INPP5A: variants seen among roughly 807,000 people sequenced by gnomAD.
The protein encoded by INPP5A is 43 kDa inositol polyphosphate 5-phophatase.
INPP5A carries 14 observed loss-of-function variants against 65.2 expected under a neutral mutation model. The observed-to-expected ratio is 0.21, with a 90% CI of 0.14 to 0.34. INPP5A has a LOEUF of 0.34. INPP5A is among the 10% of genes least tolerant of loss of function. The pLI is 1.00. For synonymous variants in INPP5A, 207 were observed against 208.3 expected, an observed-to-expected ratio of 0.99 and a Z score of 0.05; for missense variants, 431 against 545.6, an observed-to-expected ratio of 0.79 and a Z score of 2.09.
intron 1 of INPP5A, among the ~76,000 whole-genome samples, chr10:132,558,948 C>T (rs538382250): frequency 4.6e-5 from 7 of 152,326 alleles, no homozygotes; most frequent in African/African-American, 1.4e-4. Flanking sequence ...CCTCTGCTCA[C>T]GGTGCCCACC....
intron 1 of INPP5A, among the ~76,000 whole-genome samples, chr10:132,591,325 A>G (rs2071616322): frequency 6.6e-6 from 1 of 151,954 alleles, no homozygotes; most frequent in South Asian, 2.1e-4. Context: ...TTTCCATATG[A>G]ACTTTAGAAT....
In INPP5A at chr10:132,770,966, C is replaced by T. The variant is rs113154333; in HGVS notation, c.977+5120C>T. The stretch of plus-strand genomic sequence containing the variant: ...GGAGGAATACGTTTTCCAACACCCT[C>T]GGGTCTCCTTGAAAGCTTAAATTTT... On this transcript the variant is annotated intron_variant, in intron 12 of 15. Coordinates refer to ENST00000368594, the MANE Select transcript of INPP5A (RefSeq NM_005539.5). Among the ~76,000 whole-genome samples the T allele has an allele frequency of 9.3e-3, 1,412 of 152,286 alleles. 8 individuals are homozygous for T. The highest frequency in any genetic ancestry group is 0.014 in the Non-Finnish European group (967 of 68,028).
intron 4 of INPP5A, among the ~76,000 whole-genome samples, chr10:132,668,981 A>G (rs1344409942): frequency 1.3e-5 from 2 of 152,176 alleles, no homozygotes; most frequent in African/African-American, 2.4e-5. Flanking sequence ...GAGGCCGGGC[A>G]TGGTGGCTCA....
At chr10:132,775,127 G>GGGGCAGGGAGGAGAGAT (rs1847034830) in intron 12 of INPP5A, among the ~76,000 whole-genome samples, 2 of 48,008 alleles carry the variant, frequency 4.2e-5, no homozygotes, top group African/African-American at 7.0e-5. Context: ...GCAGGGAGGA[G>GGGGCAGGGAGGAGAGAT]GGGCAGGGAG....
rs1211495192 is a variant in INPP5A at position 132,781,854 on chromosome 10, G to C, written c.1159-7G>C. ...CGTGCTGACACCGTCCTCTCTTCCT[G>C]CTGCAGCCCGTGTTCCTGGCCTTCC... On this transcript the variant is annotated splice_region_variant and splice_polypyrimidine_tract_variant and intron_variant, in intron 14 of 15. Transcript: ENST00000368594. The C allele has an allele frequency of 3.7e-6, 6 of 1,613,056 alleles. No homozygotes were observed. The highest frequency in any genetic ancestry group is 5.1e-6 in the Non-Finnish European group (6 of 1,179,480).
At chr10:132,723,647 A>ATGTGGGGATTGGCCG (rs1564984542) in intron 8 of INPP5A, among the ~76,000 whole-genome samples, 13 of 100,736 alleles carry the variant, frequency 1.3e-4, no homozygotes, top group Non-Finnish European at 1.8e-4. Flanking sequence ...GGGATTGGCC[A>ATGTGGGGATTGGCCG]TGTGGGGATT....
intron 9 of INPP5A, among the ~76,000 whole-genome samples, chr10:132,732,013 G>A (rs1371754202): frequency 2.0e-5 from 3 of 152,296 alleles, no homozygotes; most frequent in South Asian, 2.1e-4. Context: ...GGGAGCCCCC[G>A]GCACCCCAGG....
chr10:132,699,366 G>T (rs1480724012), intron 6 of INPP5A, among the ~76,000 whole-genome samples: 13 of 150,592 alleles, frequency 8.6e-5, no homozygotes, highest in Middle Eastern at 3.4e-3. Context: ...CTGGGGTGGG[G>T]GGGGGCTGGG....
chr10:132,643,145 T>A (rs1407952086), intron 2 of INPP5A, among the ~76,000 whole-genome samples: 3 of 151,926 alleles, frequency 2.0e-5, no homozygotes, highest in Admixed American at 6.5e-5. Context: ...TATAGGGGGG[T>A]TTTTTTCTCC....
intron 4 of INPP5A, among the ~76,000 whole-genome samples, chr10:132,679,444 G>T (rs1055943992): frequency 2.0e-5 from 3 of 152,152 alleles, no homozygotes; most frequent in Non-Finnish European, 4.4e-5. Flanking sequence ...CACAAGAGCT[G>T]CCCGCTGGAA....
chr10:132,666,069 A>AG (rs1309877101), intron 4 of INPP5A, among the ~76,000 whole-genome samples: 17 of 151,434 alleles, frequency 1.1e-4, no homozygotes, highest in African/African-American at 3.2e-4. Context: ...AAAAAAAAAA[A>AG]AGAGAAGAAT....
At chr10:132,746,757 A>C (rs960505778) in intron 9 of INPP5A, among the ~76,000 whole-genome samples, 1 of 152,234 alleles carries the variant, frequency 6.6e-6, no homozygotes, top group Non-Finnish European at 1.5e-5. Context: ...TAAACATAGC[A>C]TTTAGGGTAT....
Position 132,650,573 on chromosome 10 carries a change from C to T in INPP5A, c.306+68C>T. On this transcript the variant is annotated intron_variant, in intron 4 of 15. Transcript: ENST00000368594. The surrounding 1 kb of genome is among the most constrained non-coding windows in gnomAD (Gnocchi z 5.5). ...GCCTTGGCAGAAGCCAGCCCTTCTC[C>T]TGTGTAAATGGAGAGAGGTCGGGGT... 1 of 1,147,336 alleles carries T rather than the reference C, an allele frequency of 8.7e-7. No individual in the cohort carries two copies. The highest frequency in any genetic ancestry group is 1.3e-6 in the Non-Finnish European group (1 of 763,222). The allele number at this position is 1,147,336 out of a possible 1,614,324, so 71.1% of individuals were successfully genotyped here.
chr10:132,596,568 C>T (rs1160992591), intron 1 of INPP5A, among the ~76,000 whole-genome samples: 2 of 152,072 alleles, frequency 1.3e-5, no homozygotes, highest in African/African-American at 4.8e-5. Flanking sequence ...GCTGGGATTA[C>T]AGGCACCCAC....
rs146098137 is a variant in INPP5A at position 132,727,229 on chromosome 10, C to T, written c.732+324C>T. ...CGCCACCCCCTCGATGCCCACAGAG[C>T]TGCAGCCTCTGCAGAGTGTCAGCTC... On this transcript the variant is annotated intron_variant, in intron 9 of 15. Transcript: ENST00000368594. The surrounding 1 kb of genome is among the most constrained non-coding windows in gnomAD (Gnocchi z 6.5). The T allele has an allele frequency of 2.2e-4, 55 of 247,068 alleles. No homozygotes were observed. In the East Asian group the frequency reaches 3.0e-3, roughly 14 times the overall value. The allele number at this position is 247,068 out of a possible 1,614,324, so 15.3% of individuals were successfully genotyped here. A position where few individuals can be genotyped will look rare whatever the true frequency, so the allele number is the denominator to read the frequency against.
chr10:132,540,481 G>A (rs944299313), intron 1 of INPP5A, among the ~76,000 whole-genome samples: 7 of 152,220 alleles, frequency 4.6e-5, no homozygotes, highest in African/African-American at 1.4e-4. Flanking sequence ...TTATCTGTCC[G>A]TGTCTGAAGA....
intron 9 of INPP5A, among the ~76,000 whole-genome samples, chr10:132,737,324 C>T (rs559321214): frequency 9.2e-5 from 14 of 152,334 alleles, no homozygotes; most frequent in African/African-American, 3.1e-4. Flanking sequence ...AGAGCCTCAG[C>T]ACCGTCTCCA....
rs2070978429 is a variant in INPP5A, at chr10:132,546,745, G to A, written c.75+8574G>A. On this transcript the variant is annotated intron_variant, in intron 1 of 15. Coordinates refer to ENST00000368594, the MANE Select transcript of INPP5A (RefSeq NM_005539.5). The surrounding 1 kb of genome is among the most constrained non-coding windows in gnomAD (Gnocchi z 5.7). ...TGCACTGCATACCCCGGGCCCCCTG[G>A]GCTCTGGCCTGTCCCCTTGTCCCCA... Among the ~76,000 whole-genome samples the A allele has an allele frequency of 6.6e-6, 1 of 152,154 alleles. No homozygotes were observed. The highest frequency in any genetic ancestry group is 2.1e-4 in the South Asian group (1 of 4,820).
At chr10:132,680,212 A>T (rs2073024037) in intron 4 of INPP5A, among the ~76,000 whole-genome samples, 1 of 152,218 alleles carries the variant, frequency 6.6e-6, no homozygotes, top group Non-Finnish European at 1.5e-5. Flanking sequence ...TCTGATAAGG[A>T]ATTACTATCC....
Sources: allele counts gnomAD v4.1 joint callset (sites outside exome capture counted in the v4.1 genomes callset), GRCh38; gene constraint gnomAD v4.1.1; non-coding constraint Gnocchi (gnomAD v3.1); transcripts MANE v1.5; gene names NCBI Gene and HGNC (gene_info 2026-07-23, HGNC 2026-07-21).